The following DGKH variants were observed in gnomAD, a reference collection of about 807,000 sequenced individuals.
DGKH encodes diacylglycerol kinase eta.
DGKH carries 90 observed loss-of-function variants against 159.3 expected under a neutral mutation model. The observed-to-expected ratio is 0.57, with a 90% CI of 0.48 to 0.67. DGKH has a LOEUF of 0.67. Ranked by LOEUF, DGKH falls within the 30% of genes least tolerant of loss-of-function variation. DGKH has a pLI of 0.00. For missense variants in DGKH, 1,181 were observed against 1,506.1 expected, an observed-to-expected ratio of 0.78 and a Z score of 3.57; for synonymous variants, 536 against 553.8, an observed-to-expected ratio of 0.97 and a Z score of 0.45.
intron 16 of DGKH, among the ~76,000 whole-genome samples, chr13:42,192,351 A>G (rs188976855): frequency 7.2e-5 from 11 of 152,248 alleles, no homozygotes; most frequent in African/African-American, 1.4e-4. Context: ...CATTCTTTAT[A>G]TTGGGCTTTC....
At position 42,242,302 on chromosome 13, in the gene DGKH, T is replaced by G. The variant is rs1289158859; in HGVS notation, c.*13114T>G. On this transcript the variant is annotated 3_prime_UTR_variant, in exon 30 of 30. Transcript: ENST00000337343. ...TGCCGTATTATTTATAGTTAGGAAT[T>G]TACTACATTTTGGTAGTCTGTTTTG... 1 of 152,246 alleles carries G rather than the reference T, an allele frequency of 6.6e-6. No homozygotes were observed. Among genetic ancestry groups the G allele is most frequent in the Non-Finnish European group, 1.5e-5 (1 of 68,044 alleles). 9.4% of individuals were successfully genotyped at this position (152,246 alleles called of 1,614,324 possible).
intron 1 of DGKH, among the ~76,000 whole-genome samples, chr13:42,080,585 C>T (rs1170205): frequency 0.066 from 10,083 of 152,076 alleles, 661 homozygotes; most frequent in African/African-American, 0.17. Flanking sequence ...AAATCTTCCT[C>T]GAAGAGTTTT....
intron 13 of DGKH, among the ~76,000 whole-genome samples, chr13:42,185,558 A>T (rs1337809504): frequency 6.6e-6 from 1 of 152,240 alleles, no homozygotes; most frequent in Non-Finnish European, 1.5e-5. Context: ...AAACCAAGAG[A>T]AAATTATGAC....
At chr13:42,208,470 A>G (rs1957560285) in intron 21 of DGKH, among the ~76,000 whole-genome samples, 1 of 152,160 alleles carries the variant, frequency 6.6e-6, no homozygotes, top group Admixed American at 6.5e-5. Context: ...TATTGCTTGT[A>G]AAACCTTGAA....
chr13:42,090,654 T>G (rs1417131913), intron 1 of DGKH, among the ~76,000 whole-genome samples: 1 of 152,174 alleles, frequency 6.6e-6, no homozygotes, highest in Admixed American at 6.6e-5. Context: ...AAAGGACAAT[T>G]TTTTAACACA....
chr13:42,157,294 A>T (rs1037621262), intron 5 of DGKH, among the ~76,000 whole-genome samples: 2 of 152,210 alleles, frequency 1.3e-5, no homozygotes, highest in Non-Finnish European at 2.9e-5. Context: ...TAAAATCTTT[A>T]TTCCAAAAAT....
downstream of DGKH, among the ~76,000 whole-genome samples, chr13:42,243,396 A>G (rs142723806): frequency 3.3e-5 from 5 of 152,242 alleles, no homozygotes; most frequent in South Asian, 2.1e-4. Flanking sequence ...TAAGAACATA[A>G]TTTGGTTTGC....
intron 1 of DGKH, among the ~76,000 whole-genome samples, chr13:42,056,500 A>G (rs1881769864): frequency 1.3e-5 from 2 of 152,180 alleles, no homozygotes; most frequent in Admixed American, 1.3e-4. Flanking sequence ...TTAGCATTTT[A>G]TTGGTTACAG....
At chr13:42,168,935 G>T in intron 11 of DGKH, 117 bp downstream of exon 11, 1 of 1,182,080 alleles carries the variant, frequency 8.5e-7, no homozygotes. Flanking sequence ...CTCCACGAAG[G>T]CAGAGCCTTC....
At chr13:42,069,476 G>A in intron 1 of DGKH, 1 of 1,549,092 alleles carries the variant, frequency 6.5e-7, no homozygotes, top group South Asian at 1.1e-5. Context: ...GACTCATGTT[G>A]GAAACTAAAT....
intron 15 of DGKH, among the ~76,000 whole-genome samples, chr13:42,189,860 A>G (rs1957020751): frequency 6.6e-6 from 1 of 152,052 alleles, no homozygotes; most frequent in African/African-American, 2.4e-5. Flanking sequence ...TGGAGATGGG[A>G]TTTCACCATG....
At chr13:42,042,159 G>C in intron 1 of DGKH, among the ~76,000 whole-genome samples, 1 of 152,278 alleles carries the variant, frequency 6.6e-6, no homozygotes, top group Admixed American at 6.5e-5. Context: ...TTCCATTGTG[G>C]TTATCACAGG....
intron 14 of DGKH, 144 bp from the exon 15 acceptor site, chr13:42,188,892 T>G: frequency 6.8e-6 from 6 of 884,378 alleles, no homozygotes; most frequent in African/African-American, 1.7e-5. Context: ...AACCAAAACA[T>G]CTACAAAATT....
chr13:42,179,921 C>T (rs1027733239), intron 13 of DGKH, among the ~76,000 whole-genome samples: 1 of 151,998 alleles, frequency 6.6e-6, no homozygotes, highest in Non-Finnish European at 1.5e-5. Flanking sequence ...GTAGAAATTT[C>T]TTAACAAGAA....
chr13:42,093,707 A>G (rs1296687194), intron 1 of DGKH, among the ~76,000 whole-genome samples: 1 of 152,230 alleles, frequency 6.6e-6, no homozygotes, highest in East Asian at 1.9e-4. Flanking sequence ...GACATGTTCT[A>G]CAGCATGGAT....
At chr13:42,091,353 A>G (rs1954413848) in intron 1 of DGKH, among the ~76,000 whole-genome samples, 1 of 152,218 alleles carries the variant, frequency 6.6e-6, no homozygotes, top group Admixed American at 6.5e-5. Context: ...GTGTCAAAAG[A>G]CACTATCAAG....
intron 1 of DGKH, among the ~76,000 whole-genome samples, chr13:42,061,936 A>G (rs956779824): frequency 6.6e-6 from 1 of 152,052 alleles, no homozygotes; most frequent in Admixed American, 6.6e-5. Context: ...CATAAGCATA[A>G]TGAAGGAAGA....
At position 42,155,763 on chromosome 13, in the gene DGKH, C is replaced by G; in HGVS notation, c.586C>G (p.Leu196Val). 3 of 1,614,120 alleles carry G rather than the reference C, an allele frequency of 1.9e-6. No individual in the cohort carries two copies. The highest frequency in any genetic ancestry group is 2.5e-6 in the Non-Finnish European group (3 of 1,179,996). ...PTFCNVCRES[L>V]SGVTSHGLSC... ...CTTCTGTAACGTGTGCAGAGAGAGT[C>G]TTTCTGGAGTCACCTCCCATGGCCT... Residue 196 changes from leucine (L) to valine (V), a missense_variant, in exon 5 of 30, where the codon CTT becomes GTT. Transcript: ENST00000337343.
intron 6 of DGKH, 31 bp downstream of exon 6, chr13:42,159,403 C>G (rs373450569): frequency 2.1e-6 from 3 of 1,397,752 alleles, no homozygotes. Context: ...TGCTCTCTTC[C>G]CACTAACTCC....
Sources: gnomAD v4.1 joint callset for allele counts (sites outside exome capture counted in the v4.1 genomes callset) on GRCh38, gnomAD v4.1.1 for gene constraint, MANE v1.5 for transcripts, NCBI Gene and HGNC (gene_info 2026-07-23, HGNC 2026-07-21) for gene names.